RHOJ: variants seen among roughly 807,000 people sequenced by gnomAD.
The protein encoded by RHOJ is rho-related GTP-binding protein RhoJ.
Under a neutral mutation model 23.4 loss-of-function variants are expected in RHOJ, and 11 were observed. The observed-to-expected ratio is 0.47, with a 90% CI of 0.30 to 0.78. RHOJ has a LOEUF of 0.78. RHOJ is among the 30% of genes least tolerant of loss of function. The pLI is 0.08. For missense variants in RHOJ, 254 were observed against 273.4 expected, an observed-to-expected ratio of 0.93 and a Z score of 0.50; for synonymous variants, 102 against 102.7, an observed-to-expected ratio of 0.99 and a Z score of 0.04.
chr14:63,270,683 CAT>C (rs1439128866), intron 2 of RHOJ, among the ~76,000 whole-genome samples: 7 of 152,210 alleles, frequency 4.6e-5, no homozygotes, highest in Non-Finnish European at 5.9e-5. Flanking sequence ...ATCAGGAACT[CAT>C]AGACTGAAAG....
intron 2 of RHOJ, among the ~76,000 whole-genome samples, chr14:63,276,363 C>T (rs1881719946): frequency 6.6e-6 from 1 of 152,150 alleles, no homozygotes; most frequent in Admixed American, 6.6e-5. Context: ...TGTATTTTCC[C>T]AATTCAGTCA....
intron 2 of RHOJ, among the ~76,000 whole-genome samples, chr14:63,269,492 A>T (rs1297298527): frequency 6.6e-6 from 1 of 152,182 alleles, no homozygotes; most frequent in Non-Finnish European, 1.5e-5. Flanking sequence ...CAGGATTCAT[A>T]GGTCAGTTTC....
chr14:63,214,471 T>C (rs1403835981), intron 1 of RHOJ, among the ~76,000 whole-genome samples: 1 of 152,172 alleles, frequency 6.6e-6, no homozygotes, highest in Non-Finnish European at 1.5e-5. Context: ...TAAAAACAGA[T>C]ATGCATGTAA....
intron 1 of RHOJ, among the ~76,000 whole-genome samples, chr14:63,249,473 C>T (rs916351289): frequency 6.6e-6 from 1 of 152,182 alleles, no homozygotes; most frequent in African/African-American, 2.4e-5. Context: ...TAAGAATTCA[C>T]CTTTATTTAT....
chr14:63,259,840 G>A (rs969406342), intron 1 of RHOJ, among the ~76,000 whole-genome samples: 9 of 152,048 alleles, frequency 5.9e-5, no homozygotes, highest in African/African-American at 1.9e-4. Flanking sequence ...CCATATTCTG[G>A]CTGGCGATAT....
intron 1 of RHOJ, among the ~76,000 whole-genome samples, chr14:63,249,295 G>C (rs889591617): frequency 6.6e-6 from 1 of 152,198 alleles, no homozygotes. Context: ...GGGCTAACAA[G>C]TGCATAGTCT....
In RHOJ at chr14:63,244,789, C is replaced by T. The variant is rs1594763065; in HGVS notation, c.179-24321C>T. 2.0e-5 allele frequency among the ~76,000 whole-genome samples: 3 copies of T among 152,268 alleles called. No individual in the cohort carries two copies. In the East Asian group the frequency reaches 5.8e-4, roughly 29 times the overall value. On this transcript the variant is annotated intron_variant, in intron 1 of 4. Coordinates refer to ENST00000316754, the MANE Select transcript of RHOJ (RefSeq NM_020663.5). ...AGACTGAAATACATTAAATAATTTGCCCAAGGTCATAGAACTACTTAAAAA... is the reference window on the plus strand; with the variant it reads ...AGACTGAAATACATTAAATAATTTGTCCAAGGTCATAGAACTACTTAAAAA...
At chr14:63,217,526 T>C (rs897621060) in intron 1 of RHOJ, among the ~76,000 whole-genome samples, 2 of 151,806 alleles carry the variant, frequency 1.3e-5, no homozygotes, top group African/African-American at 4.8e-5. Flanking sequence ...TTACACCTTA[T>C]ACAAAAATCA....
Position 63,218,593 on chromosome 14 carries a change from T to C in RHOJ, c.178+13546T>C, listed in dbSNP as rs77049557. ...TTTTGCTTCATTCCCGTCCTATCAG[T>C]TAACACATTAAAAGCTTCTTAAGGG... On this transcript the variant is annotated intron_variant, in intron 1 of 4. Transcript: ENST00000316754. Among the ~76,000 whole-genome samples, 1,139 of 152,310 alleles carry C rather than the reference T, an allele frequency of 7.5e-3. 25 individuals carry two copies. In the East Asian group the frequency reaches 0.11, roughly 15 times the overall value.
intron 1 of RHOJ, among the ~76,000 whole-genome samples, chr14:63,246,902 G>A (rs962323443): frequency 3.9e-5 from 6 of 152,164 alleles, no homozygotes; most frequent in African/African-American, 7.2e-5. Flanking sequence ...CCTGTTTACA[G>A]GTTTATGAGA....
chr14:63,271,648 G>A (rs1478454326), intron 2 of RHOJ, among the ~76,000 whole-genome samples: 4 of 152,110 alleles, frequency 2.6e-5, no homozygotes, highest in Admixed American at 1.3e-4. Context: ...AGGCTAGAGC[G>A]CAGTGGCGCA....
chr14:63,274,626 T>TA (rs1205734115), intron 2 of RHOJ, among the ~76,000 whole-genome samples: 1 of 152,204 alleles, frequency 6.6e-6, no homozygotes, highest in African/African-American at 2.4e-5. Context: ...TTAAAGTACT[T>TA]ACTATGTTCA....
chr14:63,290,725 G>GAA (rs368436257), intron 4 of RHOJ, among the ~76,000 whole-genome samples, 153 bp from the exon 5 acceptor site: 45 of 125,804 alleles, frequency 3.6e-4, no homozygotes, highest in African/African-American at 1.1e-3. Flanking sequence ...AATTGAAATG[G>GAA]AAAAAAAAAA....
At chr14:63,247,271 C>T (rs138766257) in intron 1 of RHOJ, among the ~76,000 whole-genome samples, 236 of 152,298 alleles carry the variant, frequency 1.5e-3, no homozygotes, top group Non-Finnish European at 2.8e-3. Context: ...AAGCAATGAA[C>T]TTGGAAGAAC....
chr14:63,231,517 C>T (rs1366594117), intron 1 of RHOJ, among the ~76,000 whole-genome samples: 1 of 152,160 alleles, frequency 6.6e-6, no homozygotes, highest in Non-Finnish European at 1.5e-5. Flanking sequence ...GTTGTATAGC[C>T]ATGTTAGGAA....
At chr14:63,215,886 G>A (rs1306264712) in intron 1 of RHOJ, among the ~76,000 whole-genome samples, 3 of 152,062 alleles carry the variant, frequency 2.0e-5, no homozygotes, top group Non-Finnish European at 4.4e-5. Context: ...CAACATAATA[G>A]CCACCCGGAA....
intron 1 of RHOJ, among the ~76,000 whole-genome samples, chr14:63,266,441 G>T (rs1277950141): frequency 6.6e-6 from 1 of 152,178 alleles, no homozygotes; most frequent in African/African-American, 2.4e-5. Flanking sequence ...GTTCCATTCA[G>T]TCAGTTGGGG....
chr14:63,260,487 A>G (rs1383179794), intron 1 of RHOJ, among the ~76,000 whole-genome samples: 1 of 152,220 alleles, frequency 6.6e-6, no homozygotes, highest in East Asian at 1.9e-4. Context: ...CATTTAATCC[A>G]ATCTGTATAT....
At chr14:63,232,087 G>A (rs1262206732) in intron 1 of RHOJ, among the ~76,000 whole-genome samples, 3 of 152,144 alleles carry the variant, frequency 2.0e-5, no homozygotes, top group East Asian at 3.9e-4. Flanking sequence ...GGAATGATGC[G>A]ACATGACTTC....
Sources: gnomAD v4.1 joint callset for allele counts (sites outside exome capture counted in the v4.1 genomes callset) on GRCh38, gnomAD v4.1.1 for gene constraint, MANE v1.5 for transcripts, NCBI Gene and HGNC (gene_info 2026-07-23, HGNC 2026-07-21) for gene names.